The following SLIT2 variants were observed in gnomAD, a reference collection of about 807,000 sequenced individuals.
SLIT2 encodes the protein slit homolog 2 protein.
Under a neutral mutation model 185.7 loss-of-function variants are expected in SLIT2, and 41 were observed. The ratio of observed to expected loss-of-function variants is 0.22; its 90% CI spans 0.17 to 0.29. The LOEUF is 0.29. Ranked by LOEUF, SLIT2 falls within the 10% of genes least tolerant of loss-of-function variation. The pLI is 1.00. For synonymous variants in SLIT2, 693 were observed against 680.2 expected, an observed-to-expected ratio of 1.02 and a Z score of -0.29; for missense variants, 1,571 against 1,909.0, an observed-to-expected ratio of 0.82 and a Z score of 3.30.
At chr4:20,317,130 A>C (rs889520162) in intron 4 of SLIT2, among the ~76,000 whole-genome samples, 1 of 152,006 alleles carries the variant, frequency 6.6e-6, no homozygotes, top group African/African-American at 2.4e-5. Flanking sequence ...TTCTGGATGC[A>C]TGACATACAT....
intron 18 of SLIT2, among the ~76,000 whole-genome samples, chr4:20,536,213 G>A (rs1314437599): frequency 6.6e-6 from 1 of 152,140 alleles, no homozygotes; most frequent in Non-Finnish European, 1.5e-5. Flanking sequence ...TGAGTGGTGA[G>A]TGAACGTGAG....
At chr4:20,402,375 T>C (rs894234563) in intron 4 of SLIT2, among the ~76,000 whole-genome samples, 1 of 151,930 alleles carries the variant, frequency 6.6e-6, no homozygotes, top group Non-Finnish European at 1.5e-5. Context: ...TCAACTAGCT[T>C]AATTTTTTTG....
chr4:20,378,952 T>G (rs1724253736), intron 4 of SLIT2, among the ~76,000 whole-genome samples: 1 of 152,126 alleles, frequency 6.6e-6, no homozygotes, highest in Non-Finnish European at 1.5e-5. Context: ...GGAGGGACCT[T>G]AAATGCATAT....
At chr4:20,260,456 A>G (rs1327903768) in intron 3 of SLIT2, among the ~76,000 whole-genome samples, 2 of 151,860 alleles carry the variant, frequency 1.3e-5, no homozygotes, top group African/African-American at 4.8e-5. Flanking sequence ...TTGTATGAAG[A>G]ACAAAATAAA....
chr4:20,439,502 G>A (rs1303952003), intron 4 of SLIT2, among the ~76,000 whole-genome samples: 1 of 152,156 alleles, frequency 6.6e-6, no homozygotes, highest in African/African-American at 2.4e-5. Flanking sequence ...GTGATGTTCT[G>A]TCTGTGGTAT....
In SLIT2 at chr4:20,312,068, A is replaced by G. The variant is rs1364301870; in HGVS notation, c.395+43187A>G. ...GAATTTAGTCTTGTTTTTTATGACC[A>G]TGATAGTTTATGTCTGCAACCTGAG... On this transcript the variant is annotated intron_variant, in intron 4 of 36. Coordinates refer to ENST00000504154, the MANE Select transcript of SLIT2 (RefSeq NM_004787.4). Among the ~76,000 whole-genome samples, 3 of 152,228 alleles carry G rather than the reference A, an allele frequency of 2.0e-5. No individual in the cohort carries two copies. In the East Asian group the frequency reaches 5.8e-4, roughly 29 times the overall value.
At chr4:20,548,755 G>T (rs1723473556) in intron 23 of SLIT2, among the ~76,000 whole-genome samples, 196 bp downstream of exon 23, 1 of 152,028 alleles carries the variant, frequency 6.6e-6, no homozygotes, top group South Asian at 2.1e-4. Context: ...AAAAAACAAA[G>T]AATAATTTGT....
chr4:20,387,376 A>G (rs942455575), intron 4 of SLIT2, among the ~76,000 whole-genome samples: 1 of 151,534 alleles, frequency 6.6e-6, no homozygotes, highest in Non-Finnish European at 1.5e-5. Context: ...TGTCAGTAAC[A>G]TATTCATATA....
At chr4:20,526,241 T>G (rs7690660) in intron 15 of SLIT2, among the ~76,000 whole-genome samples, 34,206 of 152,052 alleles carry the variant, frequency 0.22, 4,602 homozygotes, top group African/African-American at 0.39. Flanking sequence ...TTACAATTTG[T>G]ATAATTTTAT....
Position 20,372,273 on chromosome 4 carries a change from G to A in SLIT2, c.396-95479G>A, listed in dbSNP as rs561185243. On this transcript the variant is annotated intron_variant, in intron 4 of 36. Coordinates refer to ENST00000504154, the MANE Select transcript of SLIT2 (RefSeq NM_004787.4). The stretch of plus-strand genomic sequence containing the variant: ...AGGAATTTACCTGACATTAAGTGGT[G>A]CAGAAAGGGCAGAACATGGCTTCAA... 2.0e-5 allele frequency among the ~76,000 whole-genome samples: 3 copies of A among 152,146 alleles called. No individual in the cohort carries two copies. The South Asian group carries it at 6.2e-4, about 32-fold the overall frequency.
intron 4 of SLIT2, among the ~76,000 whole-genome samples, chr4:20,278,302 G>T (rs1714368620): frequency 6.6e-6 from 1 of 151,820 alleles, no homozygotes; most frequent in Admixed American, 6.6e-5. Flanking sequence ...TCATGATAAA[G>T]AAGTGCATGG....
intron 3 of SLIT2, among the ~76,000 whole-genome samples, chr4:20,263,981 G>A (rs1712769072): frequency 6.6e-6 from 1 of 151,846 alleles, no homozygotes; most frequent in South Asian, 2.1e-4. Flanking sequence ...CTGAAGAGAT[G>A]TGAAGAAAAG....
chr4:20,600,378 A>G lies in SLIT2; in HGVS notation c.3692+1983A>G, dbSNP rs530638799. On this transcript the variant is annotated intron_variant, in intron 33 of 36. Coordinates refer to ENST00000504154, the MANE Select transcript of SLIT2 (RefSeq NM_004787.4). ...TTTCACCTAACAAAGGATGGAGTGT[A>G]TCTTGTGACATTTATAAAGGGACTA... is the stretch of plus-strand genomic sequence containing the variant. Among the ~76,000 whole-genome samples the G allele has an allele frequency of 1.9e-4, 27 of 140,500 alleles. No homozygotes were observed. The South Asian group carries it at 5.4e-3, about 28-fold the overall frequency. 92.2% of individuals were successfully genotyped at this position (140,500 alleles called of 152,430 possible).
In SLIT2 at chr4:20,549,154, ATC is replaced by A; in HGVS notation, c.2489+30_2489+31del. 3 of 1,401,272 alleles carry A rather than the reference ATC, an allele frequency of 2.1e-6. No individual in the cohort carries two copies. In the South Asian group the frequency reaches 3.5e-5, roughly 16 times the overall value. 86.8% of individuals were successfully genotyped at this position (1,401,272 alleles called of 1,614,324 possible). On this transcript the variant is annotated intron_variant, in intron 24 of 36. Transcript: ENST00000504154. ...GTAAGCATCTTGTGTTCAACAGAAT[ATC>A]TCTTTTCTCAGAGATCTGAGTTTGG...
chr4:20,448,819 G>A (rs1233314550), intron 4 of SLIT2, among the ~76,000 whole-genome samples: 1 of 151,864 alleles, frequency 6.6e-6, no homozygotes, highest in Non-Finnish European at 1.5e-5. Flanking sequence ...TGTATTTTTA[G>A]TAGAGACAGG....
At chr4:20,534,685 G>A (rs750990521) in intron 18 of SLIT2, among the ~76,000 whole-genome samples, 4 of 152,026 alleles carry the variant, frequency 2.6e-5, no homozygotes, top group Non-Finnish European at 4.4e-5. Flanking sequence ...TCAAACCCAC[G>A]ATCCTGCCCC....
At position 20,553,736 on chromosome 4, in the gene SLIT2, TGTG is replaced by T. The variant is rs1017242427; in HGVS notation, c.2562-68_2562-66del. ...TAGGAAATAACAATACTTCCATACT[TGTG>T]TGTGTGTGTGTGTGTGTATGTGTGT... On this transcript the variant is annotated intron_variant, in intron 25 of 36. Coordinates refer to ENST00000504154, the MANE Select transcript of SLIT2 (RefSeq NM_004787.4). 3.0e-5 allele frequency: 16 copies of T among 525,324 alleles called. No individual in the cohort carries two copies. In the African/African-American group the frequency reaches 4.5e-4, roughly 15 times the overall value. The allele number at this position is 525,324 out of a possible 1,614,324, so 32.5% of individuals were successfully genotyped here.
rs528594284 is a variant in SLIT2, at chr4:20,493,280, C to A, written c.914+1381C>A. On this transcript the variant is annotated intron_variant, in intron 9 of 36. Transcript: ENST00000504154. ...AATACATCTCCATTTGATTTTAAAACTACAGATTACTGAAGATGTTGACAC... is the reference window on the plus strand; with the variant it reads ...AATACATCTCCATTTGATTTTAAAAATACAGATTACTGAAGATGTTGACAC... Among the ~76,000 whole-genome samples the A allele has an allele frequency of 8.3e-4, 126 of 152,224 alleles. 1 individual carries two copies. Among genetic ancestry groups the A allele is most frequent in the African/African-American group, 2.9e-3 (120 of 41,554 alleles).
intron 29 of SLIT2, among the ~76,000 whole-genome samples, chr4:20,573,607 T>A (rs1725817330): frequency 6.6e-6 from 1 of 152,172 alleles, no homozygotes; most frequent in African/African-American, 2.4e-5. Flanking sequence ...AACATATTAT[T>A]TTTGGAATGA....
Sources: gnomAD v4.1 joint callset for allele counts (sites outside exome capture counted in the v4.1 genomes callset) on GRCh38, gnomAD v4.1.1 for gene constraint, MANE v1.5 for transcripts, NCBI Gene and HGNC (gene_info 2026-07-23, HGNC 2026-07-21) for gene names.